The following TMEM116 variants were observed in gnomAD, a reference collection of about 807,000 sequenced individuals.
TMEM116 encodes transmembrane protein 116.
TMEM116 carries 38 observed loss-of-function variants against 44.3 expected under a neutral mutation model. The ratio of observed to expected loss-of-function variants is 0.86; its 90% CI spans 0.66 to 1.12. TMEM116 has a LOEUF of 1.12. Ranked by LOEUF, TMEM116 falls within the 50% of genes most tolerant of loss-of-function variation. TMEM116 has a pLI of 0.00. For missense variants in TMEM116, 354 were observed against 401.7 expected (o/e 0.88, Z 1.01); for synonymous variants, 132 against 144.8 (o/e 0.91, Z 0.64).
chr12:112,002,998 A>G (rs2077355489), intron 3 of TMEM116, among the ~76,000 whole-genome samples: 1 of 152,206 alleles, frequency 6.6e-6, no homozygotes, highest in African/African-American at 2.4e-5. Context: ...TTTTAATTTG[A>G]TCTTTTTGGT....
Position 112,013,143 on chromosome 12 carries a change from T to C in TMEM116, c.-175A>G, listed in dbSNP as rs970222092. 2.2e-5 allele frequency: 7 copies of C among 323,580 alleles called. No homozygotes were observed. The South Asian group carries it at 5.5e-4, about 26-fold the overall frequency. The allele number at this position is 323,580 out of a possible 1,614,324, so 20.0% of individuals were successfully genotyped here. ...CCCCATGCGCACTTGGCGCTTCTCC[T>C]CAAGCGGAGCAGGAACGGAACTGGG... On this transcript the variant is annotated 5_prime_UTR_variant, in exon 1 of 11. Coordinates refer to ENST00000552374, the MANE Select transcript of TMEM116 (RefSeq NM_001193531.2).
chr12:111,968,104 A>C (rs1472127729), intron 4 of TMEM116, among the ~76,000 whole-genome samples: 7 of 152,224 alleles, frequency 4.6e-5, no homozygotes. Flanking sequence ...AGAGAACCTC[A>C]TAGATTTGCA....
At chr12:111,992,802 C>T (rs79418860) in intron 3 of TMEM116, among the ~76,000 whole-genome samples, 1 of 152,202 alleles carries the variant, frequency 6.6e-6, no homozygotes, top group Non-Finnish European at 1.5e-5. Context: ...TAGTTTTGGT[C>T]CTATGGAGAA....
intron 3 of TMEM116, chr12:111,993,336 C>A: frequency 2.0e-6 from 1 of 507,928 alleles, no homozygotes; most frequent in South Asian, 1.6e-5. Flanking sequence ...GGATGGTGTT[C>A]ATTCTTTGGC....
At chr12:111,995,752 A>G (rs57929857) in intron 3 of TMEM116, among the ~76,000 whole-genome samples, 14,024 of 152,096 alleles carry the variant, frequency 0.092, 712 homozygotes, top group East Asian at 0.23. Context: ...GTTCTAGGTC[A>G]GGCTCAGTGA....
intron 4 of TMEM116, among the ~76,000 whole-genome samples, chr12:111,986,882 C>T (rs1034879241): frequency 1.3e-5 from 2 of 152,156 alleles, no homozygotes; most frequent in Non-Finnish European, 1.5e-5. Flanking sequence ...CCTTACTTTA[C>T]ACCACATATG....
intron 5 of TMEM116, 150 bp from the exon 6 acceptor site, chr12:111,938,360 A>G (rs1441461684): frequency 5.9e-6 from 3 of 505,730 alleles, no homozygotes; most frequent in African/African-American, 2.0e-5. Flanking sequence ...AAAATTCATC[A>G]AATAGATAGT....
chr12:111,941,353 C>T (rs1054983291), intron 5 of TMEM116, among the ~76,000 whole-genome samples: 7 of 142,232 alleles, frequency 4.9e-5, no homozygotes, highest in Admixed American at 2.2e-4. Context: ...TTCAGCCTGG[C>T]GACAGAGCGA....
At chr12:111,955,686 G>A (rs2074036617) in intron 4 of TMEM116, among the ~76,000 whole-genome samples, 1 of 152,204 alleles carries the variant, frequency 6.6e-6, no homozygotes, top group East Asian at 1.9e-4. Flanking sequence ...TTACAGTCAT[G>A]CACTGCATAA....
intron 3 of TMEM116, chr12:112,000,622 T>A (rs1289116432): frequency 2.7e-6 from 1 of 376,732 alleles, no homozygotes; most frequent in Admixed American, 3.1e-5. Flanking sequence ...ACTTACTTAC[T>A]TCCTGAGCCT....
intron 5 of TMEM116, among the ~76,000 whole-genome samples, chr12:111,942,936 G>T (rs1027002577): frequency 5.3e-5 from 8 of 151,960 alleles, no homozygotes; most frequent in Non-Finnish European, 1.2e-4. Flanking sequence ...CCGTTTATCA[G>T]GGATATACAG....
chr12:111,991,689 A>G (rs2076610452), intron 4 of TMEM116, 69 bp downstream of exon 4: 1 of 1,451,040 alleles, frequency 6.9e-7, no homozygotes, highest in African/African-American at 1.4e-5. Flanking sequence ...AAGGTGAATC[A>G]TCTTTGTTTC....
chr12:111,976,315 C>G (rs1293444482), intron 4 of TMEM116, among the ~76,000 whole-genome samples: 1 of 151,986 alleles, frequency 6.6e-6, no homozygotes, highest in African/African-American at 2.4e-5. Flanking sequence ...ACTGAGGCCT[C>G]TGGCACCAAA....
At chr12:111,945,020 A>G (rs1345391203) in intron 4 of TMEM116, among the ~76,000 whole-genome samples, 2 of 148,948 alleles carry the variant, frequency 1.3e-5, no homozygotes, top group African/African-American at 2.5e-5. Flanking sequence ...GGTTGCACTG[A>G]GACAAGATCG....
Position 111,933,928 on chromosome 12 carries a change from C to G in TMEM116, c.691G>C (p.Val231Leu). 6.2e-7 allele frequency: 1 copy of G among 1,614,174 alleles called. No homozygotes were observed. Residue 231 changes from valine (V) to leucine (L), a missense_variant, in exon 9 of 11, where the codon GTG becomes CTG. By Grantham distance (32) the Val-to-Leu change is conservative. Transcript: ENST00000552374. Reference sequence around the variant, plus strand: ...AAGAAGGCCACTGGGTAGAAGCGCACCCGTTGGTCCACAATGTGAATCACT... The same window carrying G: ...AAGAAGGCCACTGGGTAGAAGCGCAGCCGTTGGTCCACAATGTGAATCACT... ...WAVIHIVDQRVRFYPVAFFCC... is the reference protein window; with the variant it reads ...WAVIHIVDQRLRFYPVAFFCC...
chr12:111,993,419 TA>T, intron 3 of TMEM116: 1 of 555,542 alleles, frequency 1.8e-6, no homozygotes, highest in Admixed American at 1.9e-5. Context: ...ATGAAGTCTT[TA>T]AAGTCTTGTA....
At chr12:111,982,692 G>T (rs2076010468) in intron 4 of TMEM116, among the ~76,000 whole-genome samples, 1 of 152,002 alleles carries the variant, frequency 6.6e-6, no homozygotes, top group East Asian at 1.9e-4. Flanking sequence ...AATCTAGAAG[G>T]CCACATGCAT....
At chr12:111,952,249 A>AC (rs1334863162) in intron 4 of TMEM116, among the ~76,000 whole-genome samples, 2 of 152,110 alleles carry the variant, frequency 1.3e-5, no homozygotes, top group Non-Finnish European at 2.9e-5. Flanking sequence ...AAACAAAAAA[A>AC]ACACACACAC....
intron 4 of TMEM116, among the ~76,000 whole-genome samples, chr12:111,980,947 G>A (rs1248362707): frequency 6.6e-6 from 1 of 151,876 alleles, no homozygotes; most frequent in African/African-American, 2.4e-5. Context: ...GGTAGTGTGT[G>A]CCTGTAGTTC....
Sources: gnomAD v4.1 joint callset for allele counts (sites outside exome capture counted in the v4.1 genomes callset) on GRCh38, gnomAD v4.1.1 for gene constraint, MANE v1.5 for transcripts, NCBI Gene and HGNC (gene_info 2026-07-23, HGNC 2026-07-21) for gene names.